CTNNA2: variants seen among roughly 807,000 people sequenced by gnomAD.
CTNNA2 encodes catenin alpha-2.
In CTNNA2, 42 loss-of-function variants were observed where a neutral mutation model predicts 101.0. The ratio of observed to expected loss-of-function variants is 0.42; its 90% CI spans 0.32 to 0.54. The LOEUF is 0.54. Among genes scored for constraint, CTNNA2 ranks in the 20% least tolerant of loss-of-function variants. The probability of loss-of-function intolerance (pLI) is 0.14; values close to 1 mark genes in which losing one functional copy is unlikely to be tolerated. For synonymous variants in CTNNA2, 450 were observed against 456.4 expected (o/e 0.99, Z 0.18); for missense variants, 871 against 1,223.1 (o/e 0.71, Z 4.29).
At chr2:79,592,614 C>A (rs1676936581) in intron 1 of CTNNA2, among the ~76,000 whole-genome samples, 1 of 152,204 alleles carries the variant, frequency 6.6e-6, no homozygotes, top group African/African-American at 2.4e-5. Flanking sequence ...ATACCCCACA[C>A]AAACTCTTGC....
rs60823429 is a variant in CTNNA2, at chr2:79,807,599, A to T, written c.299-50414A>T. On this transcript the variant is annotated intron_variant, in intron 3 of 18. Transcript: ENST00000402739. ...ATATTTTATTCAGTGTTCAAACATTATATTAGCTCTTTGAAAGTTATTAAA... is the reference window on the plus strand; with the variant it reads ...ATATTTTATTCAGTGTTCAAACATTTTATTAGCTCTTTGAAAGTTATTAAA... Among the ~76,000 whole-genome samples the T allele has an allele frequency of 6.0e-3, 908 of 152,296 alleles. 6 individuals are homozygous for T. Among genetic ancestry groups the T allele is most frequent in the African/African-American group, 0.021 (875 of 41,560 alleles).
chr2:79,640,529 G>A (rs1158787323), intron 1 of CTNNA2, among the ~76,000 whole-genome samples: 1 of 152,164 alleles, frequency 6.6e-6, no homozygotes, highest in African/African-American at 2.4e-5. Context: ...AAGTAAACCT[G>A]AAGTATAAAT....
At chr2:79,684,980 C>T (rs1683837931) in intron 2 of CTNNA2, among the ~76,000 whole-genome samples, 1 of 152,132 alleles carries the variant, frequency 6.6e-6, no homozygotes, top group African/African-American at 2.4e-5. Flanking sequence ...AATGCACCTA[C>T]TTCATAAGAG....
rs775246250 is a variant in CTNNA2, at chr2:80,604,140, T to C, written c.2256T>C (p.Gly752=). The C allele has an allele frequency of 5.6e-6, 9 of 1,613,078 alleles. No individual in the cohort carries two copies. The South Asian group carries it at 9.9e-5, about 18-fold the overall frequency. The stretch of plus-strand genomic sequence containing the variant: ...CTGCCAAGAAAATTGCCGAAGCAGG[T>C]TCTCGAATGGACAAATTAGCTCGTG... The part of the protein sequence containing the change: ...INAAKKIAEA[G]SRMDKLARAV... The change falls in exon 16 of 19, where the codon GGT becomes GGC. Residue 752 remains glycine (G), a synonymous_variant. Transcript: ENST00000402739.
At chr2:79,487,995 T>C (rs562905415) in intron 4 of CTNNA2, among the ~76,000 whole-genome samples, 3 of 152,288 alleles carry the variant, frequency 2.0e-5, no homozygotes, top group African/African-American at 7.2e-5. Flanking sequence ...AGTAACATAC[T>C]CTCTGGTCCT....
At chr2:79,598,297 CAT>C (rs1171913660) in intron 1 of CTNNA2, among the ~76,000 whole-genome samples, 1 of 152,186 alleles carries the variant, frequency 6.6e-6, no homozygotes, top group African/African-American at 2.4e-5. Context: ...TGTGTGGACA[CAT>C]GATTTCATTT....
At chr2:79,651,050 C>T (rs1045054975) in intron 1 of CTNNA2, among the ~76,000 whole-genome samples, 2 of 151,996 alleles carry the variant, frequency 1.3e-5, no homozygotes, top group Non-Finnish European at 2.9e-5. Flanking sequence ...GAAATAGGAA[C>T]ACTTTTACAC....
intron 7 of CTNNA2, among the ~76,000 whole-genome samples, chr2:80,096,070 T>G (rs1309873389): frequency 1.3e-5 from 2 of 151,932 alleles, no homozygotes; most frequent in Non-Finnish European, 2.9e-5. Flanking sequence ...TGCTCTTGCT[T>G]CTCTAGTTCT....
chr2:79,387,293 AT>A lies in CTNNA2; in HGVS notation c.-135+13282del, dbSNP rs5832385. Reference sequence around the variant, plus strand: ...TCTGAGCAATTAGAACCTGAAATTCATTCTCTTTTTGTCTCTCCAGATCTTG... The same window carrying A: ...TCTGAGCAATTAGAACCTGAAATTCATCTCTTTTTGTCTCTCCAGATCTTG... On this transcript the variant is annotated intron_variant, in intron 4 of 21. Coordinates refer to the CTNNA2 transcript ENST00000466387. Among the ~76,000 whole-genome samples the A allele has an allele frequency of 9.2e-3, 1,394 of 152,220 alleles. 54 individuals are homozygous for A. The East Asian group carries it at 0.1, about 11-fold the overall frequency.
At chr2:80,622,276 C>T (rs1284581436) in intron 18 of CTNNA2, among the ~76,000 whole-genome samples, 5 of 151,780 alleles carry the variant, frequency 3.3e-5, no homozygotes. Flanking sequence ...CACTCACAGC[C>T]ACAACTATGC....
intron 2 of CTNNA2, among the ~76,000 whole-genome samples, chr2:79,668,998 C>T (rs541350303): frequency 1.8e-4 from 27 of 152,274 alleles, no homozygotes; most frequent in African/African-American, 5.8e-4. Flanking sequence ...TGTGCTAATC[C>T]CAGCAGGCTG....
At chr2:79,966,724 T>G (rs985441807) in intron 7 of CTNNA2, among the ~76,000 whole-genome samples, 1 of 152,244 alleles carries the variant, frequency 6.6e-6, no homozygotes, top group Admixed American at 6.5e-5. Context: ...CATCAGTGAC[T>G]TCTGTCTTGC....
chr2:80,598,066 T>C (rs973649510), intron 15 of CTNNA2, among the ~76,000 whole-genome samples: 1 of 152,102 alleles, frequency 6.6e-6, no homozygotes, highest in African/African-American at 2.4e-5. Flanking sequence ...CAGATGCCCA[T>C]CAATGATAGA....
At chr2:80,104,797 C>T (rs1275904302) in intron 7 of CTNNA2, among the ~76,000 whole-genome samples, 1 of 152,158 alleles carries the variant, frequency 6.6e-6, no homozygotes, top group East Asian at 1.9e-4. Context: ...TTTCTTTATG[C>T]ATTTTAAAGT....
chr2:79,404,924 T>A (rs978378564), intron 4 of CTNNA2, among the ~76,000 whole-genome samples: 2 of 152,110 alleles, frequency 1.3e-5, no homozygotes, highest in Non-Finnish European at 2.9e-5. Flanking sequence ...TTTATTTTTT[T>A]AAAGAACTCT....
At chr2:80,297,598 A>C (rs1272076746) in intron 7 of CTNNA2, among the ~76,000 whole-genome samples, 2 of 152,218 alleles carry the variant, frequency 1.3e-5, no homozygotes, top group African/African-American at 2.4e-5. Flanking sequence ...ATGGTGCCCA[A>C]TCAGAAGTAA....
chr2:79,429,930 T>C (rs1421861775), intron 4 of CTNNA2, among the ~76,000 whole-genome samples: 1 of 152,186 alleles, frequency 6.6e-6, no homozygotes, highest in Non-Finnish European at 1.5e-5. Context: ...CAAGTCATCT[T>C]TATTTCTTTG....
intron 2 of CTNNA2, among the ~76,000 whole-genome samples, chr2:79,706,339 GGC>G (rs1363813243): frequency 1.5e-5 from 2 of 136,890 alleles, no homozygotes; most frequent in Non-Finnish European, 3.0e-5. Context: ...CTCCGCCCTG[GGC>G]GACAGAGCGA....
Position 80,479,485 on chromosome 2 carries a change from T to C in CTNNA2, c.1290+59884T>C, listed in dbSNP as rs188532455. On this transcript the variant is annotated intron_variant, in intron 9 of 18. Transcript: ENST00000402739. ...ACCCTATGGGGAACAGTTAAAGGAA[T>C]GGGATGTATAGCATGATGAAGTGAA... 2.0e-5 allele frequency among the ~76,000 whole-genome samples: 3 copies of C among 152,190 alleles called. No individual in the cohort carries two copies. In the East Asian group the frequency reaches 5.8e-4, roughly 29 times the overall value.
Sources: gnomAD v4.1 joint callset for allele counts (sites outside exome capture counted in the v4.1 genomes callset) on GRCh38, gnomAD v4.1.1 for gene constraint, MANE v1.5 for transcripts, NCBI Gene and HGNC (gene_info 2026-07-23, HGNC 2026-07-21) for gene names.